ZC3H12B: variants seen among roughly 807,000 people sequenced by gnomAD.
ZC3H12B encodes probable ribonuclease ZC3H12B.
ZC3H12B carries 7 observed loss-of-function variants against 43.9 expected under a neutral mutation model. The ratio of observed to expected loss-of-function variants is 0.16; its 90% CI spans 0.09 to 0.30. The LOEUF is 0.30. Ranked by LOEUF, ZC3H12B falls within the 10% of genes least tolerant of loss-of-function variation. The pLI, the probability that ZC3H12B is intolerant of heterozygous loss-of-function variation, is 1.00. For synonymous variants in ZC3H12B, 222 were observed against 241.7 expected, an observed-to-expected ratio of 0.92 and a Z score of 0.76; for missense variants, 475 against 670.2, an observed-to-expected ratio of 0.71 and a Z score of 3.22.
the ZC3H12B span, among the ~76,000 whole-genome samples, chrX:65,250,590 C>T: frequency 4.6e-4 from 52 of 111,869 alleles, 1 homozygote; most frequent in South Asian, 7.4e-4. Flanking sequence ...ACATCCTCTC[C>T]AGCACCTGTT....
the ZC3H12B span, among the ~76,000 whole-genome samples, chrX:65,172,941 G>GT: frequency 8.1e-5 from 9 of 111,793 alleles, no homozygotes; most frequent in African/African-American, 1.3e-4. Flanking sequence ...ATTTAAAGTA[G>GT]TTTTTTCTAA....
At chrX:65,053,786 T>G in the ZC3H12B span, among the ~76,000 whole-genome samples, 1 of 111,902 alleles carries the variant, frequency 8.9e-6, no homozygotes, top group Non-Finnish European at 1.9e-5. Context: ...CCTGACTTTT[T>G]AATGATCACC....
intron 2 of ZC3H12B, among the ~76,000 whole-genome samples, chrX:65,389,343 C>G (rs1307032080): frequency 8.9e-6 from 1 of 112,192 alleles, no homozygotes; most frequent in East Asian, 2.8e-4. Flanking sequence ...TGGCAGGCAC[C>G]CGTCCCCCAG....
the ZC3H12B span, among the ~76,000 whole-genome samples, chrX:65,139,308 G>A: frequency 2.5e-4 from 28 of 112,025 alleles, no homozygotes; most frequent in African/African-American, 9.0e-4. Flanking sequence ...TCTGTGTATG[G>A]ATATGCAATT....
the ZC3H12B span, among the ~76,000 whole-genome samples, chrX:65,331,552 G>GTTCATTTA: frequency 9.6e-6 from 1 of 103,742 alleles, no homozygotes; most frequent in African/African-American, 3.8e-5. Flanking sequence ...TAAGTTTAAT[G>GTTCATTTA]TTTATTTATT....
At chrX:65,365,173 T>A (rs1390574102), upstream of ZC3H12B, among the ~76,000 whole-genome samples, 1 of 111,082 alleles carries the variant, frequency 9.0e-6, no homozygotes, top group Admixed American at 9.6e-5. Context: ...AACTGACTAA[T>A]GGTCTTTTAA....
exon 5 of ZC3H12B, chrX:65,504,570 G>A (rs1277880344): frequency 8.9e-6 from 1 of 112,431 alleles, no homozygotes; most frequent in Non-Finnish European, 1.9e-5. Context: ...CACAAGCTCA[G>A]AAGAGTTTGA....
the ZC3H12B span, among the ~76,000 whole-genome samples, chrX:65,069,489 CTTAA>C: frequency 6.9e-3 from 755 of 109,970 alleles, 13 homozygotes; most frequent in African/African-American, 0.024. Context: ...TTTGATTATC[CTTAA>C]TTATTTCAAT....
chrX:65,392,596 G>A (rs963200252), intron 2 of ZC3H12B, among the ~76,000 whole-genome samples: 4 of 110,290 alleles, frequency 3.6e-5, no homozygotes, highest in African/African-American at 1.3e-4. Context: ...GAGGTGGGTG[G>A]TGCCCCCGCC....
At chrX:65,346,567 A>G in the ZC3H12B span, among the ~76,000 whole-genome samples, 2 of 112,587 alleles carry the variant, frequency 1.8e-5, no homozygotes, top group East Asian at 2.8e-4. Context: ...TCTGTACAAA[A>G]AATTTATGAC....
At chrX:65,258,568 A>G in the ZC3H12B span, among the ~76,000 whole-genome samples, 9 of 111,835 alleles carry the variant, frequency 8.0e-5, no homozygotes, top group East Asian at 1.4e-3. Context: ...CCTTAGCCAC[A>G]GCAATCAGGC....
intron 3 of ZC3H12B, among the ~76,000 whole-genome samples, chrX:65,402,661 G>A (rs1256568345): frequency 8.9e-6 from 1 of 111,935 alleles, no homozygotes; most frequent in Non-Finnish European, 1.9e-5. Context: ...AAAATAAGGG[G>A]AAAGAGCAAG....
At chrX:65,194,693 A>G in the ZC3H12B span, among the ~76,000 whole-genome samples, 25,877 of 111,478 alleles carry the variant, frequency 0.23, 7,180 homozygotes, top group African/African-American at 0.8. Flanking sequence ...AGGTCTTTTT[A>G]GTCGATAGTG....
the ZC3H12B span, among the ~76,000 whole-genome samples, chrX:65,150,583 G>A: frequency 9.1e-6 from 1 of 110,411 alleles, no homozygotes; most frequent in Non-Finnish European, 1.9e-5. Flanking sequence ...GTGAGAACAT[G>A]TGGTGTTTGG....
At chrX:65,301,797 T>A in the ZC3H12B span, among the ~76,000 whole-genome samples, 1 of 111,339 alleles carries the variant, frequency 9.0e-6, no homozygotes, top group East Asian at 2.8e-4. Flanking sequence ...CACAAATCAC[T>A]GCTAAAGAAC....
At chrX:65,408,276 A>T in intron 3 of ZC3H12B, 1 of 1,169,237 alleles carries the variant, frequency 8.6e-7, no homozygotes, top group Non-Finnish European at 1.2e-6. Context: ...GTGATGTATT[A>T]CGAAATGCCA....
At chrX:65,217,414 C>T in the ZC3H12B span, among the ~76,000 whole-genome samples, 1 of 111,482 alleles carries the variant, frequency 9.0e-6, no homozygotes, top group Non-Finnish European at 1.9e-5. Flanking sequence ...TATGTACATC[C>T]ACAAGAACCA....
At chrX:65,384,507 TATA>T (rs2066493429) in intron 2 of ZC3H12B, among the ~76,000 whole-genome samples, 1 of 110,570 alleles carries the variant, frequency 9.0e-6, no homozygotes, top group African/African-American at 3.3e-5. Flanking sequence ...AAACATAAAG[TATA>T]ATAATAATAA....
At chrX:65,067,750 T>C in the ZC3H12B span, among the ~76,000 whole-genome samples, 1 of 111,231 alleles carries the variant, frequency 9.0e-6, no homozygotes, top group African/African-American at 3.3e-5. Flanking sequence ...TCTGCTCTGA[T>C]CTTCATTATT....
Sources: gnomAD v4.1 joint callset for allele counts (sites outside exome capture counted in the v4.1 genomes callset) on GRCh38, gnomAD v4.1.1 for gene constraint, MANE v1.5 for transcripts, NCBI Gene and HGNC (gene_info 2026-07-23, HGNC 2026-07-21) for gene names.